The following STK39 variants were observed in gnomAD, a reference collection of about 807,000 sequenced individuals.
The protein encoded by STK39 is STE20/SPS1-related proline-alanine-rich protein kinase.
A neutral mutation model predicts 77.8 loss-of-function variants in STK39; 20 were observed. The ratio of observed to expected loss-of-function variants is 0.26; its 90% CI spans 0.18 to 0.37. The LOEUF is 0.37. Among genes scored for constraint, STK39 ranks in the 10% least tolerant of loss-of-function variants. STK39 has a pLI of 1.00. For missense variants in STK39, 479 were observed against 656.5 expected (o/e 0.73, Z 2.95); for synonymous variants, 246 against 234.1 (o/e 1.05, Z -0.47).
intron 10 of STK39, among the ~76,000 whole-genome samples, chr2:168,099,263 C>A (rs1353253293): frequency 6.6e-6 from 1 of 152,186 alleles, no homozygotes; most frequent in Non-Finnish European, 1.5e-5. Context: ...CATTATGCAG[C>A]AATAGATAAT....
intron 1 of STK39, among the ~76,000 whole-genome samples, chr2:168,246,917 C>T (rs1357635340): frequency 6.6e-6 from 1 of 151,928 alleles, no homozygotes; most frequent in African/African-American, 2.4e-5. Flanking sequence ...GATGCGGCGG[C>T]GCCGCCTGGT....
At chr2:168,070,367 A>G (rs572230740) in intron 12 of STK39, among the ~76,000 whole-genome samples, 2 of 152,310 alleles carry the variant, frequency 1.3e-5, no homozygotes, top group East Asian at 3.9e-4. Context: ...ATGATGATAA[A>G]CAAATGAAAC....
chr2:167,965,838 G>A (rs1419902140), intron 16 of STK39, among the ~76,000 whole-genome samples: 1 of 152,134 alleles, frequency 6.6e-6, no homozygotes, highest in Non-Finnish European at 1.5e-5. Flanking sequence ...AATTTAAGTA[G>A]AAAGTAGTAA....
chr2:167,969,302 T>C (rs1692256976), intron 16 of STK39, among the ~76,000 whole-genome samples: 1 of 152,228 alleles, frequency 6.6e-6, no homozygotes, highest in Non-Finnish European at 1.5e-5. Flanking sequence ...CCAGAGTTAC[T>C]GGATAACCTA....
At chr2:167,977,949 G>C (rs1683323669) in intron 16 of STK39, among the ~76,000 whole-genome samples, 2 of 152,200 alleles carry the variant, frequency 1.3e-5, no homozygotes, top group Non-Finnish European at 2.9e-5. Flanking sequence ...GAAGGGGCTT[G>C]GGAAGTGGGG....
At chr2:168,009,272 TGAG>T (rs1684209410) in intron 16 of STK39, among the ~76,000 whole-genome samples, 1 of 151,874 alleles carries the variant, frequency 6.6e-6, no homozygotes, top group Non-Finnish European at 1.5e-5. Flanking sequence ...GGGAAATAGA[TGAG>T]GAGGGAGGGA....
intron 10 of STK39, among the ~76,000 whole-genome samples, chr2:168,120,419 G>C (rs1687374769): frequency 1.3e-5 from 2 of 152,154 alleles, no homozygotes; most frequent in Admixed American, 1.3e-4. Flanking sequence ...TACTCTTTGA[G>C]TTTTGCATGT....
chr2:167,983,520 T>C (rs943484733), intron 16 of STK39, among the ~76,000 whole-genome samples: 1 of 138,292 alleles, frequency 7.2e-6, no homozygotes, highest in Non-Finnish European at 1.5e-5. Context: ...AAGGAAATTA[T>C]AGGAAATAGA....
At chr2:168,083,164 T>C (rs1259352524) in intron 10 of STK39, among the ~76,000 whole-genome samples, 1 of 152,176 alleles carries the variant, frequency 6.6e-6, no homozygotes, top group Non-Finnish European at 1.5e-5. Context: ...CATATTTTTG[T>C]GACTCTACCA....
At chr2:168,001,272 A>G (rs1683993118) in intron 16 of STK39, among the ~76,000 whole-genome samples, 1 of 150,038 alleles carries the variant, frequency 6.7e-6, no homozygotes, top group Admixed American at 6.6e-5. Context: ...AACACATCAA[A>G]AAAAAAAAAA....
intron 1 of STK39, among the ~76,000 whole-genome samples, chr2:168,223,034 G>C (rs1690214477): frequency 6.6e-6 from 1 of 152,088 alleles, no homozygotes; most frequent in Non-Finnish European, 1.5e-5. Context: ...AAACAACTCT[G>C]CAAGGCCAAT....
rs199533056 is a variant in STK39, at chr2:168,077,418, G to GCT, written c.1090-2189_1090-2188dup. Among the ~76,000 whole-genome samples, 73 of 152,052 alleles carry GCT rather than the reference G, an allele frequency of 4.8e-4. No homozygotes were observed. The East Asian group carries it at 0.013, about 28-fold the overall frequency. ...ATTTTTATTTTATTTTAGAGCCCTG[G>GCT]CTCTCTCTCTGTTTGTTTTATTTGC... On this transcript the variant is annotated intron_variant, in intron 10 of 17. Transcript: ENST00000355999.
At chr2:167,961,990 TCCTGGAGGCG>T (rs1486542772) in intron 17 of STK39, among the ~76,000 whole-genome samples, 1 of 152,148 alleles carries the variant, frequency 6.6e-6, no homozygotes, top group Non-Finnish European at 1.5e-5. Flanking sequence ...AACCATTCAT[TCCTGGAGGCG>T]CACCCCTGCG....
chr2:167,989,867 TA>T (rs974761298), intron 16 of STK39, among the ~76,000 whole-genome samples: 130 of 151,210 alleles, frequency 8.6e-4, no homozygotes, highest in African/African-American at 3.0e-3. Context: ...TGATAAGCAG[TA>T]AAAAAAAATC....
chr2:168,009,003 T>C (rs1684201781), intron 16 of STK39, among the ~76,000 whole-genome samples: 1 of 152,170 alleles, frequency 6.6e-6, no homozygotes, highest in South Asian at 2.1e-4. Context: ...CCACTCCTTT[T>C]TGCAGGTGTG....
At position 167,955,421 on chromosome 2, in the gene STK39, A is replaced by C; in HGVS notation, c.*75T>G. 7.0e-7 allele frequency: 1 copy of C among 1,427,222 alleles called. No individual in the cohort carries two copies. Among genetic ancestry groups the C allele is most frequent in the Non-Finnish European group, 9.7e-7 (1 of 1,032,518 alleles). 88.4% of individuals were successfully genotyped at this position (1,427,222 alleles called of 1,614,324 possible). On this transcript the variant is annotated 3_prime_UTR_variant, in exon 18 of 18. Coordinates refer to ENST00000355999, the MANE Select transcript of STK39 (RefSeq NM_013233.3). ...AGTGAGGGGGTGGGAGGAAATGGGCAGAAAGAGGGAGGGTTGAAGGGAGTA... is the reference window on the plus strand; with the variant it reads ...AGTGAGGGGGTGGGAGGAAATGGGCCGAAAGAGGGAGGGTTGAAGGGAGTA...
At chr2:168,081,615 T>C (rs963849137) in intron 10 of STK39, among the ~76,000 whole-genome samples, 4 of 152,088 alleles carry the variant, frequency 2.6e-5, no homozygotes, top group East Asian at 1.9e-4. Context: ...GAAGGCATGA[T>C]TGATTCTGAA....
At chr2:168,168,432 C>A (rs1435885352) in intron 2 of STK39, among the ~76,000 whole-genome samples, 1 of 152,070 alleles carries the variant, frequency 6.6e-6, no homozygotes, top group East Asian at 1.9e-4. Flanking sequence ...ACAAGAATAA[C>A]CTAAATGATC....
At chr2:168,203,845 C>CG (rs1448003377) in intron 1 of STK39, among the ~76,000 whole-genome samples, 5 of 152,246 alleles carry the variant, frequency 3.3e-5, no homozygotes, top group Non-Finnish European at 5.9e-5. Flanking sequence ...CCACCCACCT[C>CG]GGCCTCCCGA....
Sources: allele counts gnomAD v4.1 joint callset (sites outside exome capture counted in the v4.1 genomes callset), GRCh38; gene constraint gnomAD v4.1.1; transcripts MANE v1.5; gene names NCBI Gene and HGNC (gene_info 2026-07-23, HGNC 2026-07-21).